The following FBLN1 variants were observed in gnomAD, a reference collection of about 807,000 sequenced individuals.
The protein encoded by FBLN1 is fibulin 1.
A neutral mutation model predicts 89.7 loss-of-function variants in FBLN1; 34 were observed. The ratio of observed to expected loss-of-function variants is 0.38; its 90% CI spans 0.29 to 0.50. The LOEUF (loss-of-function observed/expected upper bound fraction) is 0.50, where lower values mean the gene tolerates loss of function less well. Ranked by LOEUF, FBLN1 falls within the 20% of genes least tolerant of loss-of-function variation. The pLI is 0.92. For synonymous variants in FBLN1, 393 were observed against 391.3 expected (o/e 1.00, Z -0.05); for missense variants, 777 against 988.1 (o/e 0.79, Z 2.86).
At position 45,563,036 on chromosome 22, in the gene FBLN1, C is replaced by T; in HGVS notation, c.1698-11475C>T. The T allele has an allele frequency of 6.2e-7, 1 of 1,613,404 alleles. No homozygotes were observed. Among genetic ancestry groups the T allele is most frequent in the South Asian group, 1.1e-5 (1 of 91,080 alleles). ...GCCCGCGGTGGTTTTCCGCATGGGC[C>T]CCTCCAGTGCTGTCCCCGGGGACAG... On this transcript the variant is annotated intron_variant, in intron 14 of 16. Coordinates refer to ENST00000327858, the MANE Select transcript of FBLN1 (RefSeq NM_006486.3). The surrounding 1 kb of genome is among the most constrained non-coding windows in gnomAD (Gnocchi z 5.7).
intron 1 of FBLN1, among the ~76,000 whole-genome samples, chr22:45,513,307 C>CT (rs34166807): frequency 0.28 from 39,059 of 140,974 alleles, 6,050 homozygotes; most frequent in East Asian, 0.56. Context: ...TAACCATTTC[C>CT]TTTTTTTTTT....
At position 45,568,557 on chromosome 22, in the gene FBLN1, G is replaced by GA. The variant is rs1156916404; in HGVS notation, c.1698-5954_1698-5953insA. 3.5e-4 allele frequency among the ~76,000 whole-genome samples: 52 copies of GA among 149,246 alleles called. 3 individuals carry two copies. The highest frequency in any genetic ancestry group is 6.0e-4 in the African/African-American group (24 of 39,956). ...CTGTAGGGGAATGCTCCTTCTGTAGGGCATGCTCCTTCTGTAGGAGAATGC... is the reference window on the plus strand; with the variant it reads ...CTGTAGGGGAATGCTCCTTCTGTAGGAGCATGCTCCTTCTGTAGGAGAATGC... On this transcript the variant is annotated intron_variant, in intron 14 of 16. Coordinates refer to ENST00000327858, the MANE Select transcript of FBLN1 (RefSeq NM_006486.3).
At chr22:45,538,687 C>A (rs955203364) in intron 8 of FBLN1, among the ~76,000 whole-genome samples, 12 of 152,156 alleles carry the variant, frequency 7.9e-5, no homozygotes, top group African/African-American at 2.9e-4. Flanking sequence ...TCCCCCAGCA[C>A]GCACCCTGGG....
chr22:45,596,390 A>T (rs2146670170), intron 16 of FBLN1, among the ~76,000 whole-genome samples: 1 of 152,260 alleles, frequency 6.6e-6, no homozygotes, highest in East Asian at 1.9e-4. Flanking sequence ...ACCCCTGAGG[A>T]CAGACCTTCA....
chr22:45,579,914 T>C lies in FBLN1; in HGVS notation c.1972+2806T>C, dbSNP rs2089028660. Among the ~76,000 whole-genome samples, 1 of 152,056 alleles carries C rather than the reference T, an allele frequency of 6.6e-6. No homozygotes were observed. The highest frequency in any genetic ancestry group is 2.4e-5 in the African/African-American group (1 of 41,420). ...GCACACGGCTCCTGGCCTGTCCACC[T>C]GGTAATAGATGGTTCCACCGTTGGA... On this transcript the variant is annotated intron_variant, in intron 16 of 16. Coordinates refer to ENST00000327858, the MANE Select transcript of FBLN1 (RefSeq NM_006486.3). The surrounding 1 kb of genome is among the most constrained non-coding windows in gnomAD (Gnocchi z 5.5).
In FBLN1 at chr22:45,547,017, C is replaced by T. The variant is rs970485679; in HGVS notation, c.1322-68C>T. 3.9e-5 allele frequency: 63 copies of T among 1,610,470 alleles called. No homozygotes were observed. In the African/African-American group the frequency reaches 8.0e-4, roughly 20 times the overall value. On this transcript the variant is annotated intron_variant, in intron 11 of 16. Coordinates refer to ENST00000327858, the MANE Select transcript of FBLN1 (RefSeq NM_006486.3). ...GGAGAGGAGATTTTCTGTTCACTGA[C>T]CCTGAGGGCTACTGTGGAGGCAGGG...
chr22:45,565,036 G>A lies in FBLN1; in HGVS notation c.1698-9475G>A, dbSNP rs749899408. On this transcript the variant is annotated intron_variant, in intron 14 of 16. Coordinates refer to ENST00000327858, the MANE Select transcript of FBLN1 (RefSeq NM_006486.3). ...ACAGACAGTCAGCTCCACACCTTGC[G>A]CTGAGCAGCTGTGATTGTGCCACGG... The A allele has an allele frequency of 1.1e-5, 18 of 1,610,720 alleles. No individual in the cohort carries two copies. The Middle Eastern group carries it at 5.0e-4, about 45-fold the overall frequency.
intron 16 of FBLN1, among the ~76,000 whole-genome samples, chr22:45,586,625 T>C (rs750796577): frequency 4.6e-5 from 7 of 152,128 alleles, no homozygotes; most frequent in Non-Finnish European, 7.4e-5. Context: ...AATTTCCATC[T>C]CCCGTGCCTG....
chr22:45,569,138 T>TG (rs2088929308), intron 14 of FBLN1, among the ~76,000 whole-genome samples: 1 of 152,202 alleles, frequency 6.6e-6, no homozygotes, highest in Non-Finnish European at 1.5e-5. Context: ...TTTGACATCT[T>TG]TCTTGGAAGG....
chr22:45,532,875 T>TG lies in FBLN1; in HGVS notation c.545-182dup. 1.6e-6 allele frequency: 1 copy of TG among 634,956 alleles called. No individual in the cohort carries two copies. The highest frequency in any genetic ancestry group is 2.8e-6 in the Non-Finnish European group (1 of 352,252). The allele number at this position is 634,956 out of a possible 1,614,324, so 39.3% of individuals were successfully genotyped here. The stretch of plus-strand genomic sequence containing the variant: ...GGTTGGGACCTGAAGCAGCAGCCCC[T>TG]GGGGGGTGTCCAGAGCCAGAGCCTG... On this transcript the variant is annotated intron_variant, in intron 5 of 16. Coordinates refer to ENST00000327858, the MANE Select transcript of FBLN1 (RefSeq NM_006486.3). This position sits in a 1 kb window ranked among gnomAD's most constrained non-coding sequence, Gnocchi z 4.2.
At chr22:45,584,172 C>T (rs1016168778) in intron 16 of FBLN1, among the ~76,000 whole-genome samples, 2 of 152,094 alleles carry the variant, frequency 1.3e-5, no homozygotes, top group Admixed American at 6.6e-5. Flanking sequence ...GAATGCGTGC[C>T]GAGGCAACAT....
At chr22:45,515,497 G>A (rs1046675774) in intron 1 of FBLN1, among the ~76,000 whole-genome samples, 8 of 152,170 alleles carry the variant, frequency 5.3e-5, no homozygotes, top group Non-Finnish European at 7.3e-5. Flanking sequence ...CCAGCAGGAA[G>A]CATTTCCAAA....
chr22:45,543,463 G>A lies in FBLN1; in HGVS notation c.1258G>A (p.Gly420Ser). The stretch of plus-strand genomic sequence containing the variant: ...TGGCCACAAGTGCGAGAACACGCTG[G>A]GCTCCTACCTCTGCAGCTGTTCCGT... ...LCGHKCENTL[G>S]SYLCSCSVGF... Residue 420 changes from glycine (G) to serine (S), a missense_variant, in exon 11 of 17, where the codon GGC becomes AGC. Transcript: ENST00000327858. 1 of 1,613,852 alleles carries A rather than the reference G, an allele frequency of 6.2e-7. No homozygotes were observed. The highest frequency in any genetic ancestry group is 1.1e-5 in the South Asian group (1 of 91,066).
At position 45,531,846 on chromosome 22, in the gene FBLN1, G is replaced by A. The variant is rs2088412976; in HGVS notation, c.544+522G>A. Among the ~76,000 whole-genome samples the A allele has an allele frequency of 1.3e-5, 2 of 152,224 alleles. No individual in the cohort carries two copies. Among genetic ancestry groups the A allele is most frequent in the African/African-American group, 4.8e-5 (2 of 41,452 alleles). ...ACGTTACCGAGCCCCCAGGCCTTGTGAAGGTGACAGAGGCCTCCCTCAGGC... is the reference window on the plus strand; with the variant it reads ...ACGTTACCGAGCCCCCAGGCCTTGTAAAGGTGACAGAGGCCTCCCTCAGGC... On this transcript the variant is annotated intron_variant, in intron 5 of 16. Transcript: ENST00000327858. The surrounding 1 kb of genome is among the most constrained non-coding windows in gnomAD (Gnocchi z 4.9).
intron 16 of FBLN1, among the ~76,000 whole-genome samples, chr22:45,582,182 C>G (rs2089047940): frequency 6.6e-6 from 1 of 152,224 alleles, no homozygotes; most frequent in African/African-American, 2.4e-5. Context: ...CTCCCCATCC[C>G]CATGGCCTAT....
At chr22:45,525,210 A>G (rs2088308689) in intron 2 of FBLN1, among the ~76,000 whole-genome samples, 1 of 152,004 alleles carries the variant, frequency 6.6e-6, no homozygotes, top group African/African-American at 2.4e-5. Flanking sequence ...AGAGAAAGAA[A>G]GAAAGAGAGA....
rs2089037746 is a variant in FBLN1 at position 45,581,009 on chromosome 22, C to A, written c.1972+3901C>A. Among the ~76,000 whole-genome samples the A allele has an allele frequency of 3.9e-5, 6 of 152,204 alleles. No homozygotes were observed. The highest frequency in any genetic ancestry group is 3.3e-4 in the Admixed American group (5 of 15,280). On this transcript the variant is annotated intron_variant, in intron 16 of 16. Coordinates refer to ENST00000327858, the MANE Select transcript of FBLN1 (RefSeq NM_006486.3). The surrounding 1 kb of genome is among the most constrained non-coding windows in gnomAD (Gnocchi z 7.6). Reference sequence around the variant, plus strand: ...CTGTGCAAAAATGCTCCATTAATGCCCGAGGGATTCTCAGGCCACTACAAA... The same window carrying A: ...CTGTGCAAAAATGCTCCATTAATGCACGAGGGATTCTCAGGCCACTACAAA...
At chr22:45,513,271 T>C (rs909047615) in intron 1 of FBLN1, among the ~76,000 whole-genome samples, 6 of 151,772 alleles carry the variant, frequency 4.0e-5, no homozygotes, top group African/African-American at 1.5e-4. Flanking sequence ...TGTGGTAAAA[T>C]ACGCATCACA....
chr22:45,565,269 A>G, intron 14 of FBLN1: 2 of 1,345,874 alleles, frequency 1.5e-6, no homozygotes, highest in Non-Finnish European at 9.8e-7. Flanking sequence ...CAGATGAAGC[A>G]TAGCCTCCTT....
Sources: gnomAD v4.1 joint callset for allele counts (sites outside exome capture counted in the v4.1 genomes callset) on GRCh38, gnomAD v4.1.1 for gene constraint, Gnocchi (gnomAD v3.1) non-coding constraint, MANE v1.5 for transcripts, NCBI Gene and HGNC (gene_info 2026-07-23, HGNC 2026-07-21) for gene names.